The following PDLIM5 variants were observed in gnomAD, a reference collection of about 807,000 sequenced individuals.
The protein encoded by PDLIM5 is PDZ and LIM domain 5.
In PDLIM5, 34 loss-of-function variants were observed where a neutral mutation model predicts 64.2. The ratio of observed to expected loss-of-function variants is 0.53; its 90% CI spans 0.40 to 0.71. PDLIM5 has a LOEUF of 0.71. PDLIM5 is among the 30% of genes least tolerant of loss of function. PDLIM5 has a pLI of 0.00. For missense variants in PDLIM5, 683 were observed against 733.6 expected, an observed-to-expected ratio of 0.93 and a Z score of 0.80; for synonymous variants, 253 against 269.1, an observed-to-expected ratio of 0.94 and a Z score of 0.59.
chr4:94,619,442 C>T (rs1287944968), intron 8 of PDLIM5, among the ~76,000 whole-genome samples: 1 of 151,814 alleles, frequency 6.6e-6, no homozygotes, highest in South Asian at 2.1e-4. Context: ...AGATCTAGAC[C>T]ATCCTGGGTA....
chr4:94,467,565 G>C (rs1166076862), intron 2 of PDLIM5, among the ~76,000 whole-genome samples: 1 of 152,116 alleles, frequency 6.6e-6, no homozygotes, highest in Non-Finnish European at 1.5e-5. Flanking sequence ...ACCCGCCTCA[G>C]CCTCCCAAAG....
intron 2 of PDLIM5, among the ~76,000 whole-genome samples, chr4:94,475,169 G>GGCAAGAAAT (rs1488606675): frequency 1.3e-5 from 2 of 151,694 alleles, no homozygotes; most frequent in Non-Finnish European, 2.9e-5. Context: ...CTAAAGGAGG[G>GGCAAGAAAT]GCAAGAAATG....
chr4:94,503,074 GGTA>G (rs947319020), intron 2 of PDLIM5, among the ~76,000 whole-genome samples: 11 of 152,038 alleles, frequency 7.2e-5, no homozygotes, highest in African/African-American at 2.2e-4. Flanking sequence ...AGACATTTTT[GGTA>G]ATGATTGTCT....
intron 5 of PDLIM5, chr4:94,577,207 T>C (rs970631798): frequency 4.4e-6 from 2 of 457,268 alleles, no homozygotes; most frequent in Non-Finnish European, 4.4e-6. Context: ...TTTTTACCAA[T>C]GCCAGTTCCC....
chr4:94,495,724 A>G (rs1727327377), intron 2 of PDLIM5, among the ~76,000 whole-genome samples: 1 of 152,218 alleles, frequency 6.6e-6, no homozygotes, highest in Non-Finnish European at 1.5e-5. Context: ...GGAATGGCTC[A>G]TGCTTTCCAG....
At chr4:94,578,363 C>A (rs1735458076) in intron 5 of PDLIM5, among the ~76,000 whole-genome samples, 1 of 152,174 alleles carries the variant, frequency 6.6e-6, no homozygotes. Context: ...CACATGCCTG[C>A]TGTCCAGCAC....
intron 3 of PDLIM5, among the ~76,000 whole-genome samples, chr4:94,530,848 G>C (rs1009104621): frequency 6.6e-6 from 1 of 152,120 alleles, no homozygotes; most frequent in Non-Finnish European, 1.5e-5. Context: ...AGAAGTAGCT[G>C]TTGTACCAGA....
rs528517054 is a variant in PDLIM5, at chr4:94,544,370, T to C, written c.248+20495T>C. Among the ~76,000 whole-genome samples the C allele has an allele frequency of 8.5e-5, 13 of 152,276 alleles. No individual in the cohort carries two copies. The South Asian group carries it at 2.7e-3, about 32-fold the overall frequency. On this transcript the variant is annotated intron_variant, in intron 3 of 12. Transcript: ENST00000317968. ...CTTTGGGGGGCCACCATTCCACCCATATAGGTACATATTCTTTTTTGTTGT... is the reference window on the plus strand; with the variant it reads ...CTTTGGGGGGCCACCATTCCACCCACATAGGTACATATTCTTTTTTGTTGT...
At chr4:94,474,933 T>A (rs1725194597) in intron 2 of PDLIM5, among the ~76,000 whole-genome samples, 1 of 152,242 alleles carries the variant, frequency 6.6e-6, no homozygotes, top group South Asian at 2.1e-4. Flanking sequence ...ATTACAGAAA[T>A]GAGCCACTGA....
rs575121795 is a variant in PDLIM5 at position 94,644,176 on chromosome 4, C to G, written c.1283+3726C>G. 2.6e-5 allele frequency among the ~76,000 whole-genome samples: 4 copies of G among 152,240 alleles called. No homozygotes were observed. In the South Asian group the frequency reaches 8.3e-4, roughly 32 times the overall value. On this transcript the variant is annotated intron_variant, in intron 9 of 12. Transcript: ENST00000317968. ...CCAAATATTGCACCAAGAATTTTGC[C>G]TGAATTTTCATAACAACCCTGTGAG...
intron 2 of PDLIM5, among the ~76,000 whole-genome samples, chr4:94,512,167 T>C (rs1023877407): frequency 6.6e-6 from 1 of 152,046 alleles, no homozygotes; most frequent in African/African-American, 2.4e-5. Context: ...ACTACTGGCA[T>C]GCCCCACCAC....
At chr4:94,615,054 C>G (rs1173713280) in intron 7 of PDLIM5, among the ~76,000 whole-genome samples, 1 of 152,146 alleles carries the variant, frequency 6.6e-6, no homozygotes, top group East Asian at 1.9e-4. Flanking sequence ...CATATACTCT[C>G]TGCTGGGCAC....
intron 9 of PDLIM5, among the ~76,000 whole-genome samples, chr4:94,642,861 A>G (rs1016715816): frequency 6.6e-6 from 1 of 152,182 alleles, no homozygotes. Context: ...GATACCTTCA[A>G]TGCAGACTAT....
intron 5 of PDLIM5, chr4:94,582,881 T>C (rs1735848771): frequency 4.9e-6 from 3 of 608,012 alleles, no homozygotes; most frequent in Admixed American, 6.0e-5. Flanking sequence ...TTTTTTTTTA[T>C]GCTAGATAAT....
At chr4:94,629,906 A>C (rs1242846953) in intron 8 of PDLIM5, among the ~76,000 whole-genome samples, 2 of 152,182 alleles carry the variant, frequency 1.3e-5, no homozygotes, top group Non-Finnish European at 2.9e-5. Flanking sequence ...TTTCTGTTGG[A>C]TATGATTTCA....
intron 2 of PDLIM5, among the ~76,000 whole-genome samples, chr4:94,484,872 T>G (rs958725189): frequency 1.3e-5 from 2 of 152,220 alleles, no homozygotes; most frequent in African/African-American, 4.8e-5. Flanking sequence ...TTACAATTGT[T>G]TGATATTATA....
chr4:94,485,931 G>A lies in PDLIM5; in HGVS notation c.96+30547G>A, dbSNP rs541680425. ...AAAAAACATGAAATCATGTGACATC[G>A]GTGTGGTGAAAGGTCAGTCAATTAC... On this transcript the variant is annotated intron_variant, in intron 2 of 12. Transcript: ENST00000317968. Among the ~76,000 whole-genome samples, 4 of 151,958 alleles carry A rather than the reference G, an allele frequency of 2.6e-5. No individual in the cohort carries two copies. The South Asian group carries it at 6.3e-4, about 24-fold the overall frequency.
At chr4:94,454,501 A>G (rs1261795076) in intron 1 of PDLIM5, among the ~76,000 whole-genome samples, 2 of 152,178 alleles carry the variant, frequency 1.3e-5, no homozygotes, top group African/African-American at 2.4e-5. Context: ...TTTAGTCATA[A>G]TCTTATTCAC....
intron 2 of PDLIM5, among the ~76,000 whole-genome samples, chr4:94,505,172 A>T (rs541094549): frequency 2.0e-5 from 3 of 152,254 alleles, no homozygotes; most frequent in African/African-American, 7.2e-5. Context: ...TTCAATTCTG[A>T]CACTACCTAC....
Sources: gnomAD v4.1 joint callset for allele counts (sites outside exome capture counted in the v4.1 genomes callset) on GRCh38, gnomAD v4.1.1 for gene constraint, MANE v1.5 for transcripts, NCBI Gene and HGNC (gene_info 2026-07-23, HGNC 2026-07-21) for gene names.